The following MINDY2 variants were observed in gnomAD, a reference collection of about 807,000 sequenced individuals.
MINDY2 encodes the protein ubiquitin carboxyl-terminal hydrolase MINDY-2.
A neutral mutation model predicts 68.2 loss-of-function variants in MINDY2; 52 were observed. That is an observed-to-expected ratio of 0.76 (90% CI 0.61 to 0.96). The LOEUF is 0.96. Ranked by LOEUF, MINDY2 falls within the 40% of genes least tolerant of loss-of-function variation. The pLI, the probability that MINDY2 is intolerant of heterozygous loss-of-function variation, is 0.00. For missense variants in MINDY2, 881 were observed against 773.4 expected, an observed-to-expected ratio of 1.14 and a Z score of -1.65; for synonymous variants, 372 against 303.0, an observed-to-expected ratio of 1.23 and a Z score of -2.36.
At chr15:58,791,561 G>A (rs1468186064) in intron 2 of MINDY2, among the ~76,000 whole-genome samples, 3 of 150,850 alleles carry the variant, frequency 2.0e-5, no homozygotes, top group African/African-American at 7.3e-5. Context: ...AGGCTGCAGT[G>A]AGCCAAGATC....
intron 6 of MINDY2, among the ~76,000 whole-genome samples, chr15:58,844,971 A>G (rs1183820528): frequency 6.6e-6 from 1 of 151,958 alleles, no homozygotes; most frequent in Non-Finnish European, 1.5e-5. Context: ...AAATGGGAGA[A>G]AACATTTGCA....
At chr15:58,812,946 T>A (rs1400226532) in intron 4 of MINDY2, among the ~76,000 whole-genome samples, 5 of 152,176 alleles carry the variant, frequency 3.3e-5, no homozygotes, top group African/African-American at 9.7e-5. Flanking sequence ...CCCTTTTATA[T>A]CCACACCCAC....
intron 2 of MINDY2, among the ~76,000 whole-genome samples, chr15:58,790,399 G>T (rs1166931305): frequency 6.6e-6 from 1 of 152,186 alleles, no homozygotes; most frequent in African/African-American, 2.4e-5. Context: ...ACAAAGGGGA[G>T]TTGTAGGAGA....
At chr15:58,805,592 A>C (rs1264295102) in intron 3 of MINDY2, among the ~76,000 whole-genome samples, 1 of 152,238 alleles carries the variant, frequency 6.6e-6, no homozygotes, top group Non-Finnish European at 1.5e-5. Flanking sequence ...TCTAAGAAAC[A>C]GTTTAACCAT....
chr15:58,773,352 T>C (rs1161649051), intron 1 of MINDY2, among the ~76,000 whole-genome samples: 1 of 152,216 alleles, frequency 6.6e-6, no homozygotes. Context: ...AAGGGAATAG[T>C]GTTTATCAAA....
intron 1 of MINDY2, among the ~76,000 whole-genome samples, chr15:58,781,858 T>C (rs484952): frequency 1 from 151,399 of 151,830 alleles, 75,487 homozygotes; most frequent in Middle Eastern, 1. Flanking sequence ...GCCAAGATCG[T>C]GCCACTGCAC....
At position 58,771,685 on chromosome 15, in the gene MINDY2, C is replaced by T; in HGVS notation, c.290C>T (p.Ala97Val). The change falls in exon 1 of 9, where the codon GCC (alanine) becomes GTC (valine). Residue 97 changes from alanine to valine, a missense_variant. Physicochemically the swap from Ala to Val is moderately conservative, Grantham distance 64 (BLOSUM62 0). Coordinates refer to ENST00000559228, the MANE Select transcript of MINDY2 (RefSeq NM_001040450.3). ...GACAGTGGTTTGGAGAGTCCTGCTG[C>T]CGCCGAGGCGCCTCTGAGAGGGCAG... is the stretch of plus-strand genomic sequence containing the variant. ...LKDSGLESPA[A>V]AEAPLRGQYK... The T allele has an allele frequency of 1.9e-6, 3 of 1,612,484 alleles. No homozygotes were observed. The highest frequency in any genetic ancestry group is 3.4e-4 in the Middle Eastern group (2 of 5,944).
rs2031637270 is a variant in MINDY2 at position 58,830,162 on chromosome 15, TAA to T, written c.1226-1610_1226-1609del. ...CATTATTCATGGTAGCTATGTTCTA[TAA>T]AGTTACTGTGAACACTGAATTAGTG... On this transcript the variant is annotated intron_variant, in intron 5 of 8. Transcript: ENST00000559228. Among the ~76,000 whole-genome samples, 4 of 152,308 alleles carry T rather than the reference TAA, an allele frequency of 2.6e-5. No homozygotes were observed. In the South Asian group the frequency reaches 6.2e-4, roughly 24 times the overall value.
intron 4 of MINDY2, among the ~76,000 whole-genome samples, chr15:58,813,210 T>C (rs1265939471): frequency 2.6e-5 from 4 of 152,132 alleles, no homozygotes; most frequent in Admixed American, 6.5e-5. Flanking sequence ...CTGGGTGTTT[T>C]CCCGCCGGGC....
chr15:58,849,854 A>T (rs1485821679), intron 7 of MINDY2, among the ~76,000 whole-genome samples: 1 of 152,110 alleles, frequency 6.6e-6, no homozygotes, highest in East Asian at 1.9e-4. Context: ...CAAACACCTC[A>T]GCCTCCTGAG....
intron 6 of MINDY2, among the ~76,000 whole-genome samples, chr15:58,842,888 GTGACTTTCAAGTCCACTTTCAACT>G (rs1291659029): frequency 2.0e-5 from 3 of 152,112 alleles, no homozygotes; most frequent in African/African-American, 7.2e-5. Flanking sequence ...CATTTCCAGT[GTGACTTTCAAGTCCACTTTCAACT>G]TGACTTTCAA....
chr15:58,827,547 T>G (rs910353326), intron 5 of MINDY2, among the ~76,000 whole-genome samples: 3 of 152,104 alleles, frequency 2.0e-5, no homozygotes, highest in Non-Finnish European at 2.9e-5. Context: ...CACTGTAAGC[T>G]CCGCCTTCCG....
rs1467127547 is a variant in MINDY2, at chr15:58,860,571, T to TAA, written c.*5962_*5963insAA. Reference sequence around the variant, plus strand: ...CCTGGGCGACTGAGCGAGACTCTTATATCTCAAAAAAAAAAAAAAAAAAAA... The same window carrying TAA: ...CCTGGGCGACTGAGCGAGACTCTTATAAATCTCAAAAAAAAAAAAAAAAAAAA... On this transcript the variant is annotated 3_prime_UTR_variant, in exon 9 of 9. Transcript: ENST00000559228. 7.5e-6 allele frequency: 1 copy of TAA among 133,978 alleles called. No homozygotes were observed. The highest frequency in any genetic ancestry group is 1.5e-5 in the Non-Finnish European group (1 of 64,842). 8.3% of individuals were successfully genotyped at this position (133,978 alleles called of 1,614,324 possible). A position where few individuals can be genotyped will look rare whatever the true frequency, so the allele number is the denominator to read the frequency against.
chr15:58,774,403 G>T (rs1257377517), intron 1 of MINDY2, among the ~76,000 whole-genome samples: 1 of 149,454 alleles, frequency 6.7e-6, no homozygotes, highest in African/African-American at 2.5e-5. Flanking sequence ...AGAATCTCTT[G>T]AACCCAGGAG....
intron 6 of MINDY2, among the ~76,000 whole-genome samples, chr15:58,837,306 C>T (rs1312456111): frequency 1.3e-5 from 2 of 151,866 alleles, no homozygotes; most frequent in African/African-American, 4.8e-5. Flanking sequence ...GGCATGGTGG[C>T]TCATGTGTGT....
chr15:58,811,460 C>T (rs1293362618), intron 4 of MINDY2, among the ~76,000 whole-genome samples: 1 of 152,172 alleles, frequency 6.6e-6, no homozygotes, highest in Non-Finnish European at 1.5e-5. Flanking sequence ...TTAAGGGGAA[C>T]AACAAGTAAG....
Position 58,771,574 on chromosome 15 carries a change from G to A in MINDY2, c.179G>A (p.Arg60Lys), listed in dbSNP as rs548696115. 30 of 1,611,510 alleles carry A rather than the reference G, an allele frequency of 1.9e-5. No homozygotes were observed. The African/African-American group carries it at 2.7e-4, about 14-fold the overall frequency. The change falls in exon 1 of 9, where the codon AGG becomes AAG. Residue 60 changes from arginine to lysine, a missense_variant. Transcript: ENST00000559228. ...GGNGLGAAAA[R>K]RSLPDSASPA... ...AATGGGCTGGGGGCGGCGGCCGCCA[G>A]GAGGAGCCTCCCGGACTCGGCTTCT...
Position 58,771,908 on chromosome 15 carries a change from G to A in MINDY2, c.513G>A (p.Pro171=). 4.5e-6 allele frequency: 7 copies of A among 1,556,032 alleles called. No homozygotes were observed. The highest frequency in any genetic ancestry group is 6.1e-6 in the Non-Finnish European group (7 of 1,153,028). Residue 171 remains proline, a synonymous_variant, in exon 1 of 9, where the codon CCG becomes CCA. Coordinates refer to ENST00000559228, the MANE Select transcript of MINDY2 (RefSeq NM_001040450.3). ...CSDPSPPGES[P]SLDSLESFSN... is the part of the protein sequence containing the mutation. Reference sequence around the variant, plus strand: ...ACCCGAGCCCTCCTGGGGAATCTCCGAGCCTGGACTCTCTGGAGTCGTTCT... The same window carrying A: ...ACCCGAGCCCTCCTGGGGAATCTCCAAGCCTGGACTCTCTGGAGTCGTTCT...
intron 8 of MINDY2, 151 bp downstream of exon 8, chr15:58,852,116 ATC>A: frequency 2.0e-6 from 1 of 506,362 alleles, no homozygotes; most frequent in Non-Finnish European, 3.4e-6. Context: ...GCAAAACCCT[ATC>A]TCTATTAAAA....
Sources: allele counts gnomAD v4.1 joint callset (sites outside exome capture counted in the v4.1 genomes callset), GRCh38; gene constraint gnomAD v4.1.1; transcripts MANE v1.5; gene names NCBI Gene and HGNC (gene_info 2026-07-23, HGNC 2026-07-21).